Variants in ADAMTS18 observed in about 807,000 individuals in gnomAD.
ADAMTS18 encodes the protein A disintegrin and metalloproteinase with thrombospondin motifs 18.
ADAMTS18 carries 157 observed loss-of-function variants against 165.9 expected under a neutral mutation model. The observed-to-expected ratio is 0.95, with a 90% CI of 0.83 to 1.08. The LOEUF (loss-of-function observed/expected upper bound fraction) is 1.08. ADAMTS18 is among the 50% of genes least tolerant of loss of function. The pLI is 0.00. For missense variants in ADAMTS18, 2,040 were observed against 1,534.0 expected, an observed-to-expected ratio of 1.33 and a Z score of -5.51; for synonymous variants, 782 against 578.2, an observed-to-expected ratio of 1.35 and a Z score of -5.06.
intron 3 of ADAMTS18, among the ~76,000 whole-genome samples, chr16:77,416,653 CCTT>C (rs1250715422): frequency 6.6e-6 from 1 of 152,152 alleles, no homozygotes; most frequent in Non-Finnish European, 1.5e-5. Flanking sequence ...AAACCTCTTT[CCTT>C]TATAAATTAC....
chr16:77,378,673 C>T (rs968081156), intron 3 of ADAMTS18, among the ~76,000 whole-genome samples: 1 of 151,980 alleles, frequency 6.6e-6, no homozygotes, highest in African/African-American at 2.4e-5. Flanking sequence ...CCAGATCACA[C>T]CACTGCACTC....
At chr16:77,407,722 G>A (rs1289079697) in intron 3 of ADAMTS18, among the ~76,000 whole-genome samples, 4 of 152,026 alleles carry the variant, frequency 2.6e-5, no homozygotes, top group African/African-American at 9.7e-5. Flanking sequence ...GCTGTATCAG[G>A]TGAATTTCCA....
At chr16:77,339,657 A>C (rs1310994382) in intron 11 of ADAMTS18, among the ~76,000 whole-genome samples, 1 of 151,852 alleles carries the variant, frequency 6.6e-6, no homozygotes, top group Non-Finnish European at 1.5e-5. Context: ...GATGCCTCAA[A>C]AGTAAAAAGG....
chr16:77,372,731 A>G (rs1370547270), intron 3 of ADAMTS18, among the ~76,000 whole-genome samples: 1 of 152,216 alleles, frequency 6.6e-6, no homozygotes, highest in African/African-American at 2.4e-5. Flanking sequence ...TCTTCAGGAT[A>G]TACCTCAGAG....
chr16:77,432,385 G>T (rs915474212), intron 2 of ADAMTS18: 1 of 152,210 alleles, frequency 6.6e-6, no homozygotes, highest in Admixed American at 6.5e-5. Context: ...CAGATCAGGG[G>T]ACACCTGGAA....
chr16:77,367,006 A>G (rs554656896), intron 4 of ADAMTS18, among the ~76,000 whole-genome samples: 2 of 152,322 alleles, frequency 1.3e-5, no homozygotes, highest in South Asian at 2.1e-4. Context: ...TAACTAAGTC[A>G]CAAACCATGC....
At chr16:77,434,536 G>A in intron 1 of ADAMTS18, 31 bp from the exon 2 acceptor site, 1 of 1,537,206 alleles carries the variant, frequency 6.5e-7, no homozygotes, top group East Asian at 2.4e-5. Flanking sequence ...TCGCGCGTGA[G>A]GGGCGCGGCG....
At position 77,353,840 on chromosome 16, in the gene ADAMTS18, G is replaced by C. The variant is rs1361497021; in HGVS notation, c.1507C>G (p.Gln503Glu). 6.2e-7 allele frequency: 1 copy of C among 1,614,118 alleles called. No homozygotes were observed. Among genetic ancestry groups the C allele is most frequent in the South Asian group, 1.1e-5 (1 of 91,070 alleles). Reference protein sequence around the residue: ...CLVDEPKQAGQYKYPDKLPGQ... With the variant: ...CLVDEPKQAGEYKYPDKLPGQ... ...GGTAGTTTGTCCGGATATTTATACTGTCCTGCTTGCTTGGGCTCATCCACT... is the reference window on the plus strand; with the variant it reads ...GGTAGTTTGTCCGGATATTTATACTCTCCTGCTTGCTTGGGCTCATCCACT... Residue 503 changes from glutamine to glutamate, a missense_variant, in exon 10 of 23, where the codon CAG (glutamine) becomes GAG (glutamate). Transcript: ENST00000282849.
chr16:77,351,613 C>A (rs1395216421), intron 10 of ADAMTS18, among the ~76,000 whole-genome samples: 1 of 152,054 alleles, frequency 6.6e-6, no homozygotes, highest in Admixed American at 6.5e-5. Context: ...CATAATGAAT[C>A]CTTTAGAATG....
intron 3 of ADAMTS18, among the ~76,000 whole-genome samples, chr16:77,403,661 G>C (rs1342613872): frequency 6.6e-6 from 1 of 152,128 alleles, no homozygotes; most frequent in Non-Finnish European, 1.5e-5. Context: ...GTGTGTCTCA[G>C]CCAGTTTACT....
chr16:77,395,851 G>C (rs779914557), intron 3 of ADAMTS18, among the ~76,000 whole-genome samples: 1 of 152,170 alleles, frequency 6.6e-6, no homozygotes, highest in Non-Finnish European at 1.5e-5. Context: ...CTAGAGAAAT[G>C]TGGTGGATAT....
At chr16:77,431,916 T>A (rs182376691) in intron 2 of ADAMTS18, among the ~76,000 whole-genome samples, 104 of 152,354 alleles carry the variant, frequency 6.8e-4, no homozygotes, top group African/African-American at 2.4e-3. Context: ...ATTCTTTTGA[T>A]GTTTAATGGT....
chr16:77,304,340 T>C (rs151089323), intron 16 of ADAMTS18, among the ~76,000 whole-genome samples: 242 of 152,232 alleles, frequency 1.6e-3, no homozygotes, highest in Middle Eastern at 3.4e-3. Flanking sequence ...TGTGTGCCTA[T>C]AGTCCCAGCT....
At chr16:77,425,713 C>G (rs1331623402) in intron 3 of ADAMTS18, among the ~76,000 whole-genome samples, 1 of 152,030 alleles carries the variant, frequency 6.6e-6, no homozygotes, top group South Asian at 2.1e-4. Flanking sequence ...ACCGCAGAAC[C>G]CTGGTACAAG....
At chr16:77,412,481 T>C (rs1194556942) in intron 3 of ADAMTS18, among the ~76,000 whole-genome samples, 1 of 152,120 alleles carries the variant, frequency 6.6e-6, no homozygotes, top group African/African-American at 2.4e-5. Flanking sequence ...TATGCCACCA[T>C]ACCCAGCTGA....
chr16:77,399,260 C>A (rs947772615), intron 3 of ADAMTS18, among the ~76,000 whole-genome samples: 16 of 152,190 alleles, frequency 1.1e-4, no homozygotes, highest in African/African-American at 3.4e-4. Context: ...AGGCTAGGTA[C>A]CACTTCAGGC....
chr16:77,366,456 T>A (rs1379846612), intron 4 of ADAMTS18, among the ~76,000 whole-genome samples: 1 of 151,948 alleles, frequency 6.6e-6, no homozygotes, highest in Non-Finnish European at 1.5e-5. Context: ...TAGTAGGGAG[T>A]CTGAGGCAGG....
chr16:77,392,444 G>A (rs113070653), intron 3 of ADAMTS18, among the ~76,000 whole-genome samples: 52 of 152,018 alleles, frequency 3.4e-4, no homozygotes, highest in African/African-American at 1.2e-3. Context: ...CTCCCCATTG[G>A]GTTCACACCC....
chr16:77,377,687 A>G (rs2056972561), intron 3 of ADAMTS18, among the ~76,000 whole-genome samples: 1 of 152,172 alleles, frequency 6.6e-6, no homozygotes, highest in South Asian at 2.1e-4. Context: ...TAATTAATTT[A>G]TTTTTCACTT....
Sources: allele counts gnomAD v4.1 joint callset (sites outside exome capture counted in the v4.1 genomes callset), GRCh38; gene constraint gnomAD v4.1.1; transcripts MANE v1.5; gene names NCBI Gene and HGNC (gene_info 2026-07-23, HGNC 2026-07-21).